Variants in GOLM2 observed in about 807,000 individuals in gnomAD.
GOLM2 encodes the protein protein GOLM2.
GOLM2 carries 26 observed loss-of-function variants against 55.9 expected under a neutral mutation model. The ratio of observed to expected loss-of-function variants is 0.47; its 90% CI spans 0.34 to 0.65. GOLM2 has a LOEUF of 0.65. GOLM2 is among the 30% of genes least tolerant of loss of function. The pLI is 0.01. For synonymous variants in GOLM2, 165 were observed against 194.6 expected (o/e 0.85, Z 1.27); for missense variants, 486 against 531.8 (o/e 0.91, Z 0.85).
chr15:44,360,967 G>A (rs1301768428), intron 6 of GOLM2, among the ~76,000 whole-genome samples: 1 of 151,320 alleles, frequency 6.6e-6, no homozygotes, highest in East Asian at 1.9e-4. Flanking sequence ...GGTACATAAT[G>A]AAATGAAGGC....
intron 8 of GOLM2, among the ~76,000 whole-genome samples, chr15:44,389,718 C>G (rs993969551): frequency 3.9e-5 from 6 of 152,152 alleles, no homozygotes; most frequent in Non-Finnish European, 8.8e-5. Context: ...GTCTCACTCT[C>G]TCACCCAGGT....
At chr15:44,381,249 G>A (rs2079401058) in intron 8 of GOLM2, among the ~76,000 whole-genome samples, 1 of 152,114 alleles carries the variant, frequency 6.6e-6, no homozygotes, top group East Asian at 1.9e-4. Context: ...TAGTTCTTAT[G>A]AATATAAACT....
At chr15:44,348,178 G>A (rs2079137694) in intron 6 of GOLM2, among the ~76,000 whole-genome samples, 1 of 152,172 alleles carries the variant, frequency 6.6e-6, no homozygotes, top group South Asian at 2.1e-4. Context: ...GAAGAATAAA[G>A]GAGATTAGGT....
Position 44,413,582 on chromosome 15 carries a change from ATAT to A in GOLM2, c.*178_*180del. ...CCCATGTACATATGTGAACTTTTTC[ATAT>A]TGTATTATCAAGGTATAGACTTTTT... On this transcript the variant is annotated 3_prime_UTR_variant, in exon 10 of 10. Transcript: ENST00000299957. The A allele has an allele frequency of 2.0e-6, 1 of 499,008 alleles. No homozygotes were observed. The highest frequency in any genetic ancestry group is 3.6e-6 in the Non-Finnish European group (1 of 277,458). The allele number at this position is 499,008 out of a possible 1,614,324, so 30.9% of individuals were successfully genotyped here.
intron 1 of GOLM2, among the ~76,000 whole-genome samples, chr15:44,316,921 G>C (rs1225170992): frequency 1.3e-5 from 2 of 151,942 alleles, no homozygotes; most frequent in Non-Finnish European, 2.9e-5. Flanking sequence ...GGGAGGCAGA[G>C]GTTACAATGA....
chr15:44,291,785 T>TC (rs1174424884), intron 1 of GOLM2, among the ~76,000 whole-genome samples: 1 of 152,346 alleles, frequency 6.6e-6, no homozygotes, highest in African/African-American at 2.4e-5. Context: ...AGAGCAGTAT[T>TC]CCCCAAAGTA....
At chr15:44,389,390 G>C (rs1006278867) in intron 8 of GOLM2, among the ~76,000 whole-genome samples, 2 of 152,002 alleles carry the variant, frequency 1.3e-5, no homozygotes, top group African/African-American at 2.4e-5. Flanking sequence ...TTACCCAGGT[G>C]TGGTGGTACA....
chr15:44,298,112 G>A (rs1051477399), intron 1 of GOLM2, among the ~76,000 whole-genome samples: 3 of 148,950 alleles, frequency 2.0e-5, no homozygotes, highest in Non-Finnish European at 3.0e-5. Context: ...CTTGTGAACC[G>A]TCCACCTTGA....
At chr15:44,358,795 T>G (rs1366444486) in intron 6 of GOLM2, among the ~76,000 whole-genome samples, 1 of 152,198 alleles carries the variant, frequency 6.6e-6, no homozygotes, top group African/African-American at 2.4e-5. Flanking sequence ...TGGCAATGAC[T>G]TTTTGGATAC....
chr15:44,306,726 A>G (rs917548177), intron 1 of GOLM2, among the ~76,000 whole-genome samples: 2 of 152,176 alleles, frequency 1.3e-5, no homozygotes, highest in Admixed American at 1.3e-4. Flanking sequence ...AGGTCATTGT[A>G]GTATCGTTTT....
At chr15:44,346,177 A>G (rs1196922183) in intron 6 of GOLM2, 1 of 152,214 alleles carries the variant, frequency 6.6e-6, no homozygotes, top group African/African-American at 2.4e-5. Context: ...TTCTGGGATT[A>G]CAGGTGTGAG....
intron 6 of GOLM2, among the ~76,000 whole-genome samples, chr15:44,341,042 T>A (rs1220381981): frequency 1.3e-5 from 2 of 151,940 alleles, no homozygotes; most frequent in African/African-American, 4.8e-5. Context: ...ATATATATAA[T>A]TTTTGACCTC....
At chr15:44,327,881 A>G (rs1418512367) in intron 2 of GOLM2, among the ~76,000 whole-genome samples, 2 of 152,238 alleles carry the variant, frequency 1.3e-5, no homozygotes, top group South Asian at 2.1e-4. Flanking sequence ...TCCAGAAATT[A>G]TGAGCTTTGA....
At chr15:44,323,253 C>G (rs2078963120) in intron 2 of GOLM2, among the ~76,000 whole-genome samples, 1 of 151,814 alleles carries the variant, frequency 6.6e-6, no homozygotes, top group Non-Finnish European at 1.5e-5. Context: ...GAGCTACAGA[C>G]AGGGTTATGC....
Position 44,289,502 on chromosome 15 carries a change from G to C in GOLM2, c.327+146G>C. On this transcript the variant is annotated intron_variant, in intron 1 of 9. Transcript: ENST00000299957. This position sits in a 1 kb window ranked among gnomAD's most constrained non-coding sequence, Gnocchi z 4.8. ...TTTCACCCCCAACAACCCTGTTTCT[G>C]TCAGACTTTTCCCAGTTTATCAGTG... 4 of 749,246 alleles carry C rather than the reference G, an allele frequency of 5.3e-6. No homozygotes were observed. Among genetic ancestry groups the C allele is most frequent in the Non-Finnish European group, 4.2e-6 (2 of 470,856 alleles). 46.4% of individuals were successfully genotyped at this position (749,246 alleles called of 1,614,324 possible).
At chr15:44,352,531 C>T (rs1477904784) in intron 6 of GOLM2, among the ~76,000 whole-genome samples, 1 of 152,054 alleles carries the variant, frequency 6.6e-6, no homozygotes, top group East Asian at 1.9e-4. Flanking sequence ...GAGTAAAACC[C>T]CACAAACACA....
intron 9 of GOLM2, among the ~76,000 whole-genome samples, chr15:44,411,810 C>T (rs2079640256): frequency 1.6e-5 from 2 of 128,890 alleles, no homozygotes; most frequent in African/African-American, 6.0e-5. Flanking sequence ...GCCTGGGCGA[C>T]AGAATGAGAC....
chr15:44,362,873 C>T (rs1423382202), intron 6 of GOLM2, among the ~76,000 whole-genome samples: 1 of 152,172 alleles, frequency 6.6e-6, no homozygotes, highest in African/African-American at 2.4e-5. Context: ...GAACAGAGCC[C>T]TCAGAAATAA....
chr15:44,376,320 C>T (rs1433995047), intron 6 of GOLM2, among the ~76,000 whole-genome samples: 1 of 152,124 alleles, frequency 6.6e-6, no homozygotes, highest in East Asian at 1.9e-4. Flanking sequence ...GTCACCCAGG[C>T]TGGAGTGCAG....
Sources: allele counts gnomAD v4.1 joint callset (sites outside exome capture counted in the v4.1 genomes callset), GRCh38; gene constraint gnomAD v4.1.1; non-coding constraint Gnocchi (gnomAD v3.1); transcripts MANE v1.5; gene names NCBI Gene and HGNC (gene_info 2026-07-23, HGNC 2026-07-21).